Variants in PPM1L observed in about 807,000 individuals in gnomAD.
The protein encoded by PPM1L is protein phosphatase, Mg2+/Mn2+ dependent 1L.
A neutral mutation model predicts 31.4 loss-of-function variants in PPM1L; 13 were observed. That is an observed-to-expected ratio of 0.41 (90% CI 0.27 to 0.66). PPM1L has a LOEUF of 0.66. PPM1L is among the 30% of genes least tolerant of loss of function. The pLI, the probability that PPM1L is intolerant of heterozygous loss-of-function variation, is 0.29. For synonymous variants in PPM1L, 184 were observed against 175.4 expected (o/e 1.05, Z -0.39); for missense variants, 326 against 453.7 (o/e 0.72, Z 2.56).
At chr3:160,912,845 G>A (rs1714022148) in intron 1 of PPM1L, among the ~76,000 whole-genome samples, 1 of 152,172 alleles carries the variant, frequency 6.6e-6, no homozygotes, top group Non-Finnish European at 1.5e-5. Flanking sequence ...AGATTTTACA[G>A]TGTAGTAGGA....
intron 1 of PPM1L, among the ~76,000 whole-genome samples, chr3:160,910,237 C>T (rs1576707013): frequency 2.7e-5 from 2 of 74,786 alleles, no homozygotes; most frequent in Admixed American, 1.6e-4. Context: ...CTTTCCCCTT[C>T]CCCTTTCCTT....
At chr3:160,953,104 A>AATCTCAAC (rs1247954096) in intron 1 of PPM1L, among the ~76,000 whole-genome samples, 1 of 152,170 alleles carries the variant, frequency 6.6e-6, no homozygotes, top group Non-Finnish European at 1.5e-5. Context: ...GAAATCTTAA[A>AATCTCAAC]ATCTCAACTC....
intron 1 of PPM1L, among the ~76,000 whole-genome samples, chr3:160,844,720 T>G (rs975547382): frequency 2.0e-5 from 3 of 152,154 alleles, no homozygotes. Flanking sequence ...TTTTTCTATG[T>G]TTTTTAAAGA....
At chr3:161,018,062 G>GTA (rs1426663512) in intron 2 of PPM1L, among the ~76,000 whole-genome samples, 1 of 152,040 alleles carries the variant, frequency 6.6e-6, no homozygotes, top group Non-Finnish European at 1.5e-5. Context: ...AAAGAATGGG[G>GTA]TATACATCTT....
chr3:160,837,107 C>T (rs912516955), intron 1 of PPM1L, among the ~76,000 whole-genome samples: 1 of 152,004 alleles, frequency 6.6e-6, no homozygotes, highest in South Asian at 2.1e-4. Context: ...CTTTATTTTA[C>T]TTAAGTGTAT....
At chr3:160,892,049 G>A (rs2108046846) in intron 1 of PPM1L, among the ~76,000 whole-genome samples, 1 of 152,280 alleles carries the variant, frequency 6.6e-6, no homozygotes, top group South Asian at 2.1e-4. Flanking sequence ...TAATGTTGAT[G>A]ACGGGTTGAT....
chr3:160,944,838 A>G (rs1385767182), intron 1 of PPM1L, among the ~76,000 whole-genome samples: 6 of 59,182 alleles, frequency 1.0e-4, no homozygotes, highest in African/African-American at 2.8e-4. Flanking sequence ...TAACATATAT[A>G]TGTTATATAT....
At chr3:160,862,786 A>T (rs923923481) in intron 1 of PPM1L, among the ~76,000 whole-genome samples, 1 of 152,032 alleles carries the variant, frequency 6.6e-6, no homozygotes, top group African/African-American at 2.4e-5. Flanking sequence ...GGTCATATTT[A>T]GGAGAGTAGG....
intron 1 of PPM1L, among the ~76,000 whole-genome samples, chr3:160,782,259 C>T (rs561656570): frequency 7.9e-5 from 12 of 152,040 alleles, no homozygotes; most frequent in African/African-American, 2.4e-4. Flanking sequence ...TTTGACCTTT[C>T]GCGTATAGGT....
chr3:161,041,845 T>C (rs1718919671), intron 2 of PPM1L, among the ~76,000 whole-genome samples: 1 of 152,218 alleles, frequency 6.6e-6, no homozygotes, highest in Admixed American at 6.5e-5. Context: ...TTTAAAAGCT[T>C]TGACATTTCT....
At chr3:160,800,946 G>A (rs1712406352) in intron 1 of PPM1L, among the ~76,000 whole-genome samples, 1 of 152,086 alleles carries the variant, frequency 6.6e-6, no homozygotes, top group South Asian at 2.1e-4. Flanking sequence ...ATGTTCTGTG[G>A]TTTTTAAAAA....
At chr3:161,038,584 TTAAAAA>T (rs1487276835) in intron 2 of PPM1L, among the ~76,000 whole-genome samples, 23 of 100,812 alleles carry the variant, frequency 2.3e-4, no homozygotes, top group South Asian at 1.8e-3. Context: ...GGGATTTGTT[TTAAAAA>T]AAAAAAAAAA....
At chr3:160,938,073 AT>A (rs1715038773) in intron 1 of PPM1L, among the ~76,000 whole-genome samples, 1 of 152,162 alleles carries the variant, frequency 6.6e-6, no homozygotes, top group Non-Finnish European at 1.5e-5. Flanking sequence ...ATTACTTCTT[AT>A]TATCACCACA....
intron 1 of PPM1L, among the ~76,000 whole-genome samples, chr3:160,920,031 A>C (rs1714333523): frequency 6.6e-6 from 1 of 152,102 alleles, no homozygotes; most frequent in East Asian, 1.9e-4. Flanking sequence ...GAACATGGGC[A>C]GATGTCTGGT....
At chr3:160,976,678 T>G (rs575866309) in intron 2 of PPM1L, among the ~76,000 whole-genome samples, 230 of 152,326 alleles carry the variant, frequency 1.5e-3, no homozygotes, top group African/African-American at 5.3e-3. Flanking sequence ...GTTTGTAGTA[T>G]TCTCTGATGG....
At chr3:160,933,691 T>TA (rs2108081208) in intron 1 of PPM1L, among the ~76,000 whole-genome samples, 1 of 152,238 alleles carries the variant, frequency 6.6e-6, no homozygotes, top group Admixed American at 6.5e-5. Context: ...TTTTTTTTTT[T>TA]AATTCACAGC....
At chr3:161,068,505 A>T (rs1220036400) in intron 3 of PPM1L, among the ~76,000 whole-genome samples, 2 of 152,192 alleles carry the variant, frequency 1.3e-5, no homozygotes, top group African/African-American at 4.8e-5. Flanking sequence ...CTCTACTGTC[A>T]ATCACTGAGC....
intron 1 of PPM1L, among the ~76,000 whole-genome samples, chr3:160,767,316 C>T (rs1358693137): frequency 6.6e-6 from 1 of 151,748 alleles, no homozygotes; most frequent in Non-Finnish European, 1.5e-5. Flanking sequence ...TCACTGCAAA[C>T]TCCACCTCCC....
intron 1 of PPM1L, among the ~76,000 whole-genome samples, chr3:160,827,818 G>A (rs1713402484): frequency 6.6e-6 from 1 of 152,018 alleles, no homozygotes; most frequent in Admixed American, 6.6e-5. Context: ...AAAGAAAGAG[G>A]TTTAATTGGC....
Sources: gnomAD v4.1 joint callset for allele counts (sites outside exome capture counted in the v4.1 genomes callset) on GRCh38, gnomAD v4.1.1 for gene constraint, MANE v1.5 for transcripts, NCBI Gene and HGNC (gene_info 2026-07-23, HGNC 2026-07-21) for gene names.